DBNL: variants seen among roughly 807,000 people sequenced by gnomAD.
DBNL encodes the protein drebrin like.
A neutral mutation model predicts 62.2 loss-of-function variants in DBNL; 35 were observed. That is an observed-to-expected ratio of 0.56 (90% CI 0.43 to 0.75). The LOEUF (loss-of-function observed/expected upper bound fraction) is 0.75. Among genes scored for constraint, DBNL ranks in the 30% least tolerant of loss-of-function variants. The probability of loss-of-function intolerance (pLI) is 0.00; values close to 1 mark genes in which losing one functional copy is unlikely to be tolerated. For missense variants in DBNL, 495 were observed against 578.4 expected, an observed-to-expected ratio of 0.86 and a Z score of 1.48; for synonymous variants, 197 against 218.0, an observed-to-expected ratio of 0.90 and a Z score of 0.85.
chr7:44,058,311 AC>A (rs760232921), intron 7 of DBNL, 31 bp downstream of exon 7: 1 of 1,580,050 alleles, frequency 6.3e-7, no homozygotes, highest in South Asian at 1.2e-5. Flanking sequence ...GGCCTGGGGG[AC>A]CCACCCTGAG....
At position 44,058,460 on chromosome 7, in the gene DBNL, T is replaced by C; in HGVS notation, c.733T>C (p.Ser245Pro). ...RTWEQQQEVV[S>P]RNRNEQESAV... Reference sequence around the variant, plus strand: ...GTGGGAGCAGCAGCAAGAAGTGGTTTCAAGGAACCGAAATGAGCAGGTAAG... The same window carrying C: ...GTGGGAGCAGCAGCAAGAAGTGGTTCCAAGGAACCGAAATGAGCAGGTAAG... The change falls in exon 8 of 13, where the codon TCA (serine) becomes CCA (proline). Residue 245 changes from serine to proline, a missense_variant. Ser to Pro is a moderately conservative substitution (Grantham distance 74). Coordinates refer to ENST00000448521, the MANE Select transcript of DBNL (RefSeq NM_001014436.3). 1 of 1,614,204 alleles carries C rather than the reference T, an allele frequency of 6.2e-7. No individual in the cohort carries two copies. Among genetic ancestry groups the C allele is most frequent in the African/African-American group, 1.3e-5 (1 of 75,046 alleles).
chr7:44,057,916 C>T, intron 6 of DBNL, 57 bp downstream of exon 6: 8 of 1,608,754 alleles, frequency 5.0e-6, no homozygotes, highest in Admixed American at 3.4e-5. Flanking sequence ...TGCTGTGGCT[C>T]ATCTTTCCTC....
Position 44,058,435 on chromosome 7 carries a change from G to T in DBNL, c.708G>T (p.Thr236=). 3 of 1,614,230 alleles carry T rather than the reference G, an allele frequency of 1.9e-6. No individual in the cohort carries two copies. The highest frequency in any genetic ancestry group is 1.1e-5 in the South Asian group (1 of 91,092). ...CCCACCCGGCCCTTCCCAGCAGGAC[G>T]TGGGAGCAGCAGCAAGAAGTGGTTT... ...EQGGEASPQR[T]WEQQQEVVSR... Residue 236 remains threonine, a synonymous_variant, in exon 8 of 13, where the codon ACG becomes ACT. Transcript: ENST00000448521.
chr7:44,065,139 G>A lies in DBNL; in HGVS notation c.*4223G>A, dbSNP rs1284038042. 3 of 1,613,930 alleles carry A rather than the reference G, an allele frequency of 1.9e-6. No individual in the cohort carries two copies. Among genetic ancestry groups the A allele is most frequent in the Middle Eastern group, 1.6e-4 (1 of 6,084 alleles). Reference sequence around the variant, plus strand: ...ACCTTGCTAATGGAGTTGTAGTAGGGGTGCTTCTCGTCCATCGGGGGCGGC... The same window carrying A: ...ACCTTGCTAATGGAGTTGTAGTAGGAGTGCTTCTCGTCCATCGGGGGCGGC... On this transcript the variant is annotated 3_prime_UTR_variant, in exon 13 of 13. Transcript: ENST00000448521.
Position 44,065,001 on chromosome 7 carries a change from G to A in DBNL, c.*4085G>A, listed in dbSNP as rs376134077. On this transcript the variant is annotated 3_prime_UTR_variant, in exon 13 of 13. Coordinates refer to ENST00000448521, the MANE Select transcript of DBNL (RefSeq NM_001014436.3). ...GGAGTTCCCCGGGCTTCAGGCCTGC[G>A]TACCGACGCTCCTGGGGGACACAGG... 18 of 1,606,318 alleles carry A rather than the reference G, an allele frequency of 1.1e-5. No homozygotes were observed. Among genetic ancestry groups the A allele is most frequent in the East Asian group, 2.2e-5 (1 of 44,856 alleles).
rs1010670493 is a variant in DBNL at position 44,065,700 on chromosome 7, G to A, written c.*4784G>A. The stretch of plus-strand genomic sequence containing the variant: ...AGCTGCTGGGGGCTGGGGGCCAGGG[G>A]AGTGTGCAGGCCAAGAGGCTGTGCT... On this transcript the variant is annotated 3_prime_UTR_variant, in exon 13 of 13. Transcript: ENST00000448521. 4.4e-6 allele frequency: 3 copies of A among 677,936 alleles called. No individual in the cohort carries two copies. The highest frequency in any genetic ancestry group is 1.7e-5 in the South Asian group (1 of 59,668). 42.0% of individuals were successfully genotyped at this position (677,936 alleles called of 1,614,324 possible). A position where few individuals can be genotyped will look rare whatever the true frequency, so the allele number is the denominator to read the frequency against.
At chr7:44,049,395 A>G (rs921267963) in intron 1 of DBNL, among the ~76,000 whole-genome samples, 3 of 152,216 alleles carry the variant, frequency 2.0e-5, no homozygotes, top group African/African-American at 7.2e-5. Flanking sequence ...TGACCTCGTG[A>G]TCCACATCTG....
intron 1 of DBNL, among the ~76,000 whole-genome samples, chr7:44,045,067 C>T (rs1051742267): frequency 6.6e-6 from 1 of 152,262 alleles, no homozygotes; most frequent in African/African-American, 2.4e-5. Context: ...GTCCCCGCCC[C>T]TCCCCCTGTC....
intron 4 of DBNL, among the ~76,000 whole-genome samples, chr7:44,054,675 C>G (rs2096132851): frequency 6.6e-6 from 1 of 152,140 alleles, no homozygotes; most frequent in African/African-American, 2.4e-5. Flanking sequence ...ATTTGAAATA[C>G]ACAAAATTAT....
Position 44,059,645 on chromosome 7 carries a change from A to T in DBNL, c.1034A>T (p.Glu345Val). ...EEPPEQETFY[E>V]QPPLVQQQGA... Reference sequence around the variant, plus strand: ...CCTCCAGAGCAGGAGACCTTCTACGAGCAGCCCCCACTGGTGGGTTCCTAC... The same window carrying T: ...CCTCCAGAGCAGGAGACCTTCTACGTGCAGCCCCCACTGGTGGGTTCCTAC... Residue 345 changes from glutamate to valine, a missense_variant, in exon 11 of 13, where the codon GAG becomes GTG. By Grantham distance (121) the Glu-to-Val change is moderately radical. Coordinates refer to ENST00000448521, the MANE Select transcript of DBNL (RefSeq NM_001014436.3). This position sits in a 1 kb window ranked among gnomAD's most constrained non-coding sequence, Gnocchi z 4.1. The T allele has an allele frequency of 6.2e-7, 1 of 1,604,450 alleles. No homozygotes were observed. Among genetic ancestry groups the T allele is most frequent in the East Asian group, 2.2e-5 (1 of 44,846 alleles).
In DBNL at chr7:44,054,297, A is replaced by G. The variant is rs185377265; in HGVS notation, c.327+1356A>G. ...AACCTCTGCCTCCCAGGTTCAAGTG[A>G]TTTTCCTGCCTCAGCCTCCTGAGTA... is the stretch of plus-strand genomic sequence containing the variant. On this transcript the variant is annotated intron_variant, in intron 4 of 12. Coordinates refer to ENST00000448521, the MANE Select transcript of DBNL (RefSeq NM_001014436.3). Among the ~76,000 whole-genome samples the G allele has an allele frequency of 1.3e-3, 202 of 152,056 alleles. 1 individual carries two copies. Among genetic ancestry groups the G allele is most frequent in the African/African-American group, 4.8e-3 (198 of 41,448 alleles).
At position 44,066,062 on chromosome 7, in the gene DBNL, T is replaced by G; in HGVS notation, c.*5146T>G. The G allele has an allele frequency of 4.7e-6, 1 of 212,552 alleles. No homozygotes were observed. Among genetic ancestry groups the G allele is most frequent in the Non-Finnish European group, 9.7e-6 (1 of 103,514 alleles). The allele number at this position is 212,552 out of a possible 1,614,324, so 13.2% of individuals were successfully genotyped here. ...CAGACCACAGCTTTGTGGAGAGGAGTCTGGCCTTGTGGAAGGTACCAGGCA... is the reference window on the plus strand; with the variant it reads ...CAGACCACAGCTTTGTGGAGAGGAGGCTGGCCTTGTGGAAGGTACCAGGCA... On this transcript the variant is annotated 3_prime_UTR_variant, in exon 13 of 13. Coordinates refer to ENST00000448521, the MANE Select transcript of DBNL (RefSeq NM_001014436.3).
intron 1 of DBNL, among the ~76,000 whole-genome samples, chr7:44,047,806 C>T (rs563838106): frequency 2.6e-5 from 4 of 151,836 alleles, no homozygotes; most frequent in South Asian, 2.1e-4. Flanking sequence ...TGAGCCTCTG[C>T]GCTGGGAACA....
chr7:44,065,134 G>C lies in DBNL; in HGVS notation c.*4218G>C, dbSNP rs2128796414. The C allele has an allele frequency of 6.2e-7, 1 of 1,614,056 alleles. No homozygotes were observed. The highest frequency in any genetic ancestry group is 2.2e-5 in the East Asian group (1 of 44,890). ...AGCCCACCTTGCTAATGGAGTTGTAGTAGGGGTGCTTCTCGTCCATCGGGG... is the reference window on the plus strand; with the variant it reads ...AGCCCACCTTGCTAATGGAGTTGTACTAGGGGTGCTTCTCGTCCATCGGGG... On this transcript the variant is annotated 3_prime_UTR_variant, in exon 13 of 13. Transcript: ENST00000448521.
chr7:44,049,303 C>T (rs909935852), intron 1 of DBNL, among the ~76,000 whole-genome samples: 1 of 152,162 alleles, frequency 6.6e-6, no homozygotes, highest in African/African-American at 2.4e-5. Context: ...ACTACAGGTG[C>T]CTGCTGCCAC....
chr7:44,045,714 G>A (rs755247024), intron 1 of DBNL, among the ~76,000 whole-genome samples: 11 of 152,238 alleles, frequency 7.2e-5, no homozygotes, highest in Non-Finnish European at 1.6e-4. Flanking sequence ...ACTTGTGTAA[G>A]TGCTTTCTCA....
chr7:44,044,727 C>A lies in DBNL; in HGVS notation c.-11C>A. On this transcript the variant is annotated 5_prime_UTR_variant, in exon 1 of 13. Coordinates refer to ENST00000448521, the MANE Select transcript of DBNL (RefSeq NM_001014436.3). The stretch of plus-strand genomic sequence containing the variant: ...AGCTACAGCAGCGGCGCGGAGACTG[C>A]GGGGCGGGCCATGGCGGCGAACCTG... 6.7e-7 allele frequency: 1 copy of A among 1,493,054 alleles called. No individual in the cohort carries two copies. Among genetic ancestry groups the A allele is most frequent in the Admixed American group, 2.2e-5 (1 of 45,168 alleles). The allele number at this position is 1,493,054 out of a possible 1,614,324, so 92.5% of individuals were successfully genotyped here.
intron 4 of DBNL, among the ~76,000 whole-genome samples, chr7:44,055,911 T>G (rs1289507788): frequency 6.6e-6 from 1 of 152,234 alleles, no homozygotes; most frequent in East Asian, 1.9e-4. Flanking sequence ...GCCTTTTAGC[T>G]TGATGTAGTC....
Position 44,050,253 on chromosome 7 carries a change from A to G in DBNL, c.112A>G (p.Asn38Asp). The G allele has an allele frequency of 6.2e-7, 1 of 1,613,832 alleles. No individual in the cohort carries two copies. Among genetic ancestry groups the G allele is most frequent in the Non-Finnish European group, 8.5e-7 (1 of 1,179,786 alleles). Residue 38 changes from asparagine (N) to aspartate (D), a missense_variant, in exon 2 of 13, where the codon AAT becomes GAT. Asn to Asp is a conservative substitution (Grantham distance 23). Coordinates refer to ENST00000448521, the MANE Select transcript of DBNL (RefSeq NM_001014436.3). Reference sequence around the variant, plus strand: ...TCTCTTTACCTATGAAGGCAACAGCAATGACATCCGCGTGGCTGGCACAGG... The same window carrying G: ...TCTCTTTACCTATGAAGGCAACAGCGATGACATCCGCGTGGCTGGCACAGG... ...WALFTYEGNS[N>D]DIRVAGTGEG...
Sources: allele counts gnomAD v4.1 joint callset (sites outside exome capture counted in the v4.1 genomes callset), GRCh38; gene constraint gnomAD v4.1.1; non-coding constraint Gnocchi (gnomAD v3.1); transcripts MANE v1.5; gene names NCBI Gene and HGNC (gene_info 2026-07-23, HGNC 2026-07-21).